The following ANKDD1A variants were observed in gnomAD, a reference collection of about 807,000 sequenced individuals.
ANKDD1A encodes the protein ankyrin repeat and death domain-containing protein 1A.
Under a neutral mutation model 63.5 loss-of-function variants are expected in ANKDD1A, and 59 were observed. The observed-to-expected ratio is 0.93, with a 90% confidence interval of 0.75 to 1.15. ANKDD1A has a LOEUF of 1.15. ANKDD1A is among the 50% of genes most tolerant of loss of function. ANKDD1A has a pLI of 0.00. For missense variants in ANKDD1A, 632 were observed against 656.4 expected, an observed-to-expected ratio of 0.96 and a Z score of 0.41; for synonymous variants, 266 against 263.9, an observed-to-expected ratio of 1.01 and a Z score of -0.08.
At chr15:64,954,421 C>T (rs2085385007) in intron 14 of ANKDD1A, among the ~76,000 whole-genome samples, 3 of 146,516 alleles carry the variant, frequency 2.0e-5, no homozygotes. Context: ...TTCCTCCTCT[C>T]CTCCTTCGTT....
intron 6 of ANKDD1A, 116 bp from the exon 7 acceptor site, chr15:64,930,706 C>T: frequency 1.0e-6 from 1 of 964,078 alleles, no homozygotes; most frequent in Non-Finnish European, 1.5e-6. Context: ...AGTTTTTGGC[C>T]CAGTTGTCAG....
rs2085271282 is a variant in ANKDD1A at position 64,951,369 on chromosome 15, TC to T, written c.1483+1398del. The stretch of plus-strand genomic sequence containing the variant: ...TTTCCTCTTCTTTCTTCTTCCTCTT[TC>T]TTCTTTCTTTTTCTTTTCTTCTTCC... On this transcript the variant is annotated intron_variant, in intron 14 of 14. Coordinates refer to ENST00000319580, the MANE Select transcript of ANKDD1A (RefSeq NM_182703.6). 34 of 507,360 alleles carry T rather than the reference TC, an allele frequency of 6.7e-5. No individual in the cohort carries two copies. The South Asian group carries it at 8.9e-4, about 13-fold the overall frequency. The allele number at this position is 507,360 out of a possible 1,614,324, so 31.4% of individuals were successfully genotyped here.
intron 9 of ANKDD1A, among the ~76,000 whole-genome samples, chr15:64,936,489 T>G (rs1451357310): frequency 6.6e-6 from 1 of 152,202 alleles, no homozygotes; most frequent in Non-Finnish European, 1.5e-5. Flanking sequence ...TTGCTTTGTT[T>G]TTAATACCAA....
At chr15:64,939,396 C>T (rs913801775) in intron 9 of ANKDD1A, among the ~76,000 whole-genome samples, 10 of 151,984 alleles carry the variant, frequency 6.6e-5, no homozygotes, top group African/African-American at 1.9e-4. Context: ...AGTCGAGATG[C>T]GCTTGAGGTT....
chr15:64,952,823 CCTCCTTCTTCCTT>C (rs2085321832), intron 14 of ANKDD1A, among the ~76,000 whole-genome samples: 1 of 137,404 alleles, frequency 7.3e-6, no homozygotes, highest in African/African-American at 2.7e-5. Context: ...CCTTCTTCCT[CCTCCTTCTTCCTT>C]TCTTCTCCTT....
At chr15:64,934,316 G>A in intron 9 of ANKDD1A, 82 bp downstream of exon 9, 1 of 1,348,324 alleles carries the variant, frequency 7.4e-7, no homozygotes, top group Non-Finnish European at 1.0e-6. Context: ...GGAGAAACAG[G>A]CACATCGGAT....
At chr15:64,937,005 C>T (rs1481123367) in intron 9 of ANKDD1A, among the ~76,000 whole-genome samples, 1 of 152,110 alleles carries the variant, frequency 6.6e-6, no homozygotes, top group Non-Finnish European at 1.5e-5. Context: ...AGATATAATT[C>T]TTCACTCATT....
chr15:64,921,431 G>A (rs1409439149), intron 3 of ANKDD1A, among the ~76,000 whole-genome samples: 3 of 152,330 alleles, frequency 2.0e-5, no homozygotes, highest in East Asian at 1.9e-4. Context: ...CTGGAGTGCA[G>A]TGGCATGATT....
At chr15:64,917,273 C>G (rs1031386496) in intron 2 of ANKDD1A, 113 bp from the exon 3 acceptor site, 3 of 1,355,368 alleles carry the variant, frequency 2.2e-6, no homozygotes, top group Non-Finnish European at 2.9e-6. Context: ...GGGACCAGAG[C>G]CAGCAAAGAC....
At chr15:64,928,560 C>T (rs1188721617) in intron 6 of ANKDD1A, among the ~76,000 whole-genome samples, 1 of 152,172 alleles carries the variant, frequency 6.6e-6, no homozygotes, top group Non-Finnish European at 1.5e-5. Context: ...TCAGTTTCAT[C>T]TGGGAGTGGG....
chr15:64,922,064 C>A (rs754901202), intron 4 of ANKDD1A, 45 bp downstream of exon 4: 3 of 1,575,478 alleles, frequency 1.9e-6, no homozygotes, highest in South Asian at 1.1e-5. Flanking sequence ...GCTCCCCTGG[C>A]CTGGATGCAC....
Position 64,930,905 on chromosome 15 carries a change from G to A in ANKDD1A, c.654G>A (p.Leu218=). 1 of 1,612,014 alleles carries A rather than the reference G, an allele frequency of 6.2e-7. No homozygotes were observed. Among genetic ancestry groups the A allele is most frequent in the East Asian group, 2.2e-5 (1 of 44,874 alleles). ...LQRLVDIGLD[L]EEQNAEGLTA... The stretch of plus-strand genomic sequence containing the variant: ...GACTTGTGGACATCGGGCTGGACCT[G>A]GAGGAGCAGAATGCGGTGAGTCACC... Residue 218 remains leucine (L), a synonymous_variant, in exon 7 of 15, where the codon CTG becomes CTA. Transcript: ENST00000319580.
intron 5 of ANKDD1A, 72 bp from the exon 6 acceptor site, chr15:64,926,829 G>A (rs2085048588): frequency 6.5e-7 from 1 of 1,531,262 alleles, no homozygotes; most frequent in African/African-American, 1.4e-5. Flanking sequence ...GGGAACAGAG[G>A]CCAGGTGGGC....
At chr15:64,951,364 CTCT>C (rs2085271049) in intron 14 of ANKDD1A, 1 of 499,810 alleles carries the variant, frequency 2.0e-6, no homozygotes, top group Non-Finnish European at 2.5e-6. Context: ...TTTCTTCTTC[CTCT>C]TTCTTCTTTC....
At chr15:64,933,114 C>T (rs749320084) in intron 8 of ANKDD1A, among the ~76,000 whole-genome samples, 2 of 152,068 alleles carry the variant, frequency 1.3e-5, no homozygotes, top group Admixed American at 1.3e-4. Flanking sequence ...GAATGTCATG[C>T]CACAGGGTCT....
intron 7 of ANKDD1A, 32 bp downstream of exon 7, chr15:64,930,952 TGACCCTTGCTTGCTCTCTGCCTTCGA>T: frequency 6.3e-7 from 1 of 1,597,976 alleles, no homozygotes; most frequent in Non-Finnish European, 8.5e-7. Flanking sequence ...GCGAGATGCA[TGACCCTTGCTTGCTCTCTGCCTTCGA>T]GGAACCCCCA....
At chr15:64,936,814 A>G (rs964020185) in intron 9 of ANKDD1A, among the ~76,000 whole-genome samples, 26 of 152,194 alleles carry the variant, frequency 1.7e-4, no homozygotes, top group Non-Finnish European at 2.8e-4. Flanking sequence ...ACTGCACTCC[A>G]GCCTGGGTAA....
intron 3 of ANKDD1A, among the ~76,000 whole-genome samples, chr15:64,920,203 G>T (rs1377244021): frequency 1.3e-5 from 2 of 152,174 alleles, no homozygotes; most frequent in Non-Finnish European, 2.9e-5. Flanking sequence ...GAGTTTGGAG[G>T]CCTGGGGTTG....
intron 9 of ANKDD1A, among the ~76,000 whole-genome samples, chr15:64,937,457 A>G (rs2140375954): frequency 6.6e-6 from 1 of 152,282 alleles, no homozygotes; most frequent in South Asian, 2.1e-4. Context: ...GGCCGGGCGC[A>G]GTGGCTCACA....
Sources: gnomAD v4.1 joint callset for allele counts (sites outside exome capture counted in the v4.1 genomes callset) on GRCh38, gnomAD v4.1.1 for gene constraint, MANE v1.5 for transcripts, NCBI Gene and HGNC (gene_info 2026-07-23, HGNC 2026-07-21) for gene names.